The following SLCO3A1 variants were observed in gnomAD, a reference collection of about 807,000 sequenced individuals.
SLCO3A1 encodes the protein solute carrier organic anion transporter family member 3A1.
Under a neutral mutation model 63.1 loss-of-function variants are expected in SLCO3A1, and 27 were observed. The ratio of observed to expected loss-of-function variants is 0.43; its 90% CI spans 0.32 to 0.59. The LOEUF (loss-of-function observed/expected upper bound fraction) is 0.59. Among genes scored for constraint, SLCO3A1 ranks in the 20% least tolerant of loss-of-function variants. SLCO3A1 has a pLI of 0.09. For synonymous variants in SLCO3A1, 473 were observed against 409.9 expected (o/e 1.15, Z -1.86); for missense variants, 773 against 945.8 (o/e 0.82, Z 2.40).
At chr15:91,989,010 G>T (rs1162083690) in intron 2 of SLCO3A1, among the ~76,000 whole-genome samples, 1 of 152,120 alleles carries the variant, frequency 6.6e-6, no homozygotes, top group Non-Finnish European at 1.5e-5. Context: ...GTGTCTCCTT[G>T]TGGGGATATC....
At position 91,950,571 on chromosome 15, in the gene SLCO3A1, C is replaced by A. The variant is rs1312463846; in HGVS notation, c.646+34113C>A. Among the ~76,000 whole-genome samples, 2 of 152,232 alleles carry A rather than the reference C, an allele frequency of 1.3e-5. No homozygotes were observed. The highest frequency in any genetic ancestry group is 2.9e-5 in the Non-Finnish European group (2 of 68,046). On this transcript the variant is annotated intron_variant, in intron 2 of 9. Transcript: ENST00000318445. This position sits in a 1 kb window ranked among gnomAD's most constrained non-coding sequence, Gnocchi z 4.4. The stretch of plus-strand genomic sequence containing the variant: ...TGCAGGCTCCATAATGTCATCCGGT[C>A]TTTCTAGCCTCCTAAGAATGAGGTT...
chr15:91,879,304 C>T (rs1340867344), intron 1 of SLCO3A1, among the ~76,000 whole-genome samples: 1 of 146,592 alleles, frequency 6.8e-6, no homozygotes. Context: ...TTTTTTCTGC[C>T]TTTTTTTTTT....
intron 2 of SLCO3A1, among the ~76,000 whole-genome samples, chr15:92,049,122 A>G (rs984374937): frequency 2.6e-5 from 4 of 152,180 alleles, no homozygotes; most frequent in Non-Finnish European, 5.9e-5. Context: ...TACAAGGAAA[A>G]GACACCCATT....
At position 91,900,026 on chromosome 15, in the gene SLCO3A1, T is replaced by C. The variant is rs570856203; in HGVS notation, c.181-15967T>C. ...TCAGATTGTGTTGGTGTTATATTTT[T>C]GGTTATATCACATTTTGTTTCTCTG... On this transcript the variant is annotated intron_variant, in intron 1 of 9. Transcript: ENST00000318445. The surrounding 1 kb of genome is among the most constrained non-coding windows in gnomAD (Gnocchi z 4.3). Among the ~76,000 whole-genome samples, 218 of 152,366 alleles carry C rather than the reference T, an allele frequency of 1.4e-3. No individual in the cohort carries two copies. Among genetic ancestry groups the C allele is most frequent in the African/African-American group, 5.0e-3 (207 of 41,588 alleles).
At chr15:92,110,257 C>G (rs1266213387) in intron 4 of SLCO3A1, among the ~76,000 whole-genome samples, 1 of 152,136 alleles carries the variant, frequency 6.6e-6, no homozygotes, top group East Asian at 1.9e-4. Context: ...TCCAGCCTGC[C>G]CTTGATCTCT....
rs1021382481 is a variant in SLCO3A1, at chr15:91,950,371, CA to C, written c.646+33914del. On this transcript the variant is annotated intron_variant, in intron 2 of 9. Coordinates refer to ENST00000318445, the MANE Select transcript of SLCO3A1 (RefSeq NM_013272.4). The surrounding 1 kb of genome is among the most constrained non-coding windows in gnomAD (Gnocchi z 4.4). ...GGGACAGGGGCCCTGGCTGGGCAGG[CA>C]GGGGGAGCCCAGCCCTGTCACTGGC... 1.3e-5 allele frequency among the ~76,000 whole-genome samples: 2 copies of C among 152,128 alleles called. No individual in the cohort carries two copies. Among genetic ancestry groups the C allele is most frequent in the African/African-American group, 4.8e-5 (2 of 41,426 alleles).
At chr15:92,071,276 A>T (rs1472872053) in intron 2 of SLCO3A1, among the ~76,000 whole-genome samples, 2 of 152,138 alleles carry the variant, frequency 1.3e-5, no homozygotes, top group Non-Finnish European at 2.9e-5. Context: ...GAGGATGAAG[A>T]CAGGTTGCCC....
intron 4 of SLCO3A1, among the ~76,000 whole-genome samples, chr15:92,106,004 A>T (rs111952020): frequency 3.9e-5 from 6 of 152,314 alleles, no homozygotes; most frequent in Admixed American, 2.6e-4. Context: ...CCCTGCGATC[A>T]TTAACTGCCC....
intron 2 of SLCO3A1, among the ~76,000 whole-genome samples, chr15:91,917,495 C>A (rs1898701726): frequency 6.6e-6 from 1 of 152,084 alleles, no homozygotes; most frequent in Admixed American, 6.6e-5. Flanking sequence ...TCTTTCTGGC[C>A]CAGCTTTGGA....
At chr15:91,993,992 G>C (rs940703205) in intron 2 of SLCO3A1, among the ~76,000 whole-genome samples, 1 of 152,136 alleles carries the variant, frequency 6.6e-6, no homozygotes, top group African/African-American at 2.4e-5. Context: ...CCAGCCCCAG[G>C]CAAGCCTCCG....
At chr15:92,052,016 G>C (rs1336788537) in intron 2 of SLCO3A1, among the ~76,000 whole-genome samples, 7 of 152,120 alleles carry the variant, frequency 4.6e-5, no homozygotes, top group South Asian at 2.1e-4. Context: ...AGTAAAGCAG[G>C]CTCCGGTCTC....
chr15:92,130,885 C>CAAAA (rs993611856), intron 7 of SLCO3A1, among the ~76,000 whole-genome samples: 2 of 21,818 alleles, frequency 9.2e-5, no homozygotes, highest in East Asian at 7.9e-4. Context: ...AAGTTCGGGG[C>CAAAA]AAAAAAAAAA....
chr15:91,953,863 C>G lies in SLCO3A1; in HGVS notation c.646+37405C>G, dbSNP rs112109513. 7.2e-5 allele frequency among the ~76,000 whole-genome samples: 11 copies of G among 152,208 alleles called. No homozygotes were observed. The East Asian group carries it at 2.1e-3, about 29-fold the overall frequency. ...CATCCAACAGTGTCTTGTGTTGATTCGTCTTTGGAACTATATCTTCCTTCT... is the reference window on the plus strand; with the variant it reads ...CATCCAACAGTGTCTTGTGTTGATTGGTCTTTGGAACTATATCTTCCTTCT... On this transcript the variant is annotated intron_variant, in intron 2 of 9. Coordinates refer to ENST00000318445, the MANE Select transcript of SLCO3A1 (RefSeq NM_013272.4).
chr15:91,853,870 AGCGGCAGCGGCG>A lies in SLCO3A1; in HGVS notation c.-33_-22del. On this transcript the variant is annotated 5_prime_UTR_variant, in exon 1 of 10. Transcript: ENST00000318445. ...CCCCGACACCCGGGGCGAGCGGGAA[AGCGGCAGCGGCG>A]GCGGCGGCGGCGGCGGCGGGGGAAG... 4.8e-6 allele frequency: 6 copies of A among 1,251,794 alleles called. No homozygotes were observed. Among genetic ancestry groups the A allele is most frequent in the Non-Finnish European group, 5.0e-6 (5 of 1,002,462 alleles). 77.5% of individuals were successfully genotyped at this position (1,251,794 alleles called of 1,614,324 possible). A position where few individuals can be genotyped will look rare whatever the true frequency, so the allele number is the denominator to read the frequency against.
At chr15:92,000,677 G>T (rs1050368295) in intron 2 of SLCO3A1, among the ~76,000 whole-genome samples, 21 of 152,190 alleles carry the variant, frequency 1.4e-4, no homozygotes, top group African/African-American at 4.6e-4. Flanking sequence ...GTGTTTAAAA[G>T]GCTTCGTTGA....
downstream of SLCO3A1, among the ~76,000 whole-genome samples, chr15:92,168,366 G>A (rs2048504336): frequency 6.6e-6 from 1 of 152,192 alleles, no homozygotes; most frequent in Admixed American, 6.5e-5. Context: ...TTTCTCTAAT[G>A]GGCCAAGTAG....
At chr15:91,926,596 T>TGTGTGTGTGCGC in intron 2 of SLCO3A1, among the ~76,000 whole-genome samples, 2,152 of 105,194 alleles carry the variant, frequency 0.02, 33 homozygotes, top group Middle Eastern at 0.065. Flanking sequence ...TGTGTGTGTG[T>TGTGTGTGTGCGC]GCGCGCGCGC....
intron 2 of SLCO3A1, among the ~76,000 whole-genome samples, chr15:92,016,281 GATGTT>G (rs763262326): frequency 7.8e-6 from 1 of 128,188 alleles, no homozygotes. Context: ...TAGATAGATA[GATGTT>G]ATAGATATAT....
intron 2 of SLCO3A1, among the ~76,000 whole-genome samples, chr15:91,936,565 C>A (rs568836910): frequency 2.0e-5 from 3 of 152,132 alleles, no homozygotes; most frequent in South Asian, 2.1e-4. Flanking sequence ...TATTTTGGAA[C>A]TTTTTTCCTG....
Sources: allele counts gnomAD v4.1 joint callset (sites outside exome capture counted in the v4.1 genomes callset), GRCh38; gene constraint gnomAD v4.1.1; non-coding constraint Gnocchi (gnomAD v3.1); transcripts MANE v1.5; gene names NCBI Gene and HGNC (gene_info 2026-07-23, HGNC 2026-07-21).